Variants in SMOC2 observed in about 807,000 individuals in gnomAD.
SMOC2 encodes the protein SPARC related modular calcium binding 2.
SMOC2 carries 39 observed loss-of-function variants against 61.4 expected under a neutral mutation model. The ratio of observed to expected loss-of-function variants is 0.64; its 90% CI spans 0.49 to 0.83. The LOEUF (loss-of-function observed/expected upper bound fraction) is 0.83, where lower values mean the gene tolerates loss of function less well. Ranked by LOEUF, SMOC2 falls within the 40% of genes least tolerant of loss-of-function variation. SMOC2 has a pLI of 0.00. For synonymous variants in SMOC2, 247 were observed against 239.9 expected (o/e 1.03, Z -0.27); for missense variants, 556 against 592.9 (o/e 0.94, Z 0.65).
chr6:168,522,183 G>A (rs1218158772), intron 2 of SMOC2, among the ~76,000 whole-genome samples: 1 of 152,026 alleles, frequency 6.6e-6, no homozygotes, highest in Non-Finnish European at 1.5e-5. Flanking sequence ...CAGTCAGATG[G>A]TTACAACAGT....
intron 9 of SMOC2, among the ~76,000 whole-genome samples, chr6:168,637,987 C>A (rs1479452066): frequency 6.6e-6 from 1 of 151,582 alleles, no homozygotes; most frequent in South Asian, 2.1e-4. Flanking sequence ...CGCCCCTGCC[C>A]CACCCTGCAG....
At position 168,522,646 on chromosome 6, in the gene SMOC2, G is replaced by A. The variant is rs567381177; in HGVS notation, c.257-3700G>A. Among the ~76,000 whole-genome samples, 7 of 152,006 alleles carry A rather than the reference G, an allele frequency of 4.6e-5. No individual in the cohort carries two copies. The South Asian group carries it at 6.2e-4, about 14-fold the overall frequency. On this transcript the variant is annotated intron_variant, in intron 2 of 12. Coordinates refer to ENST00000356284, the MANE Select transcript of SMOC2 (RefSeq NM_001166412.2). ...ATGGTGTAGACATGCATGAACACAC[G>A]TACATGAACCTTGAAATCATCATGC...
At chr6:168,602,047 C>G (rs1785566560) in intron 8 of SMOC2, among the ~76,000 whole-genome samples, 1 of 152,162 alleles carries the variant, frequency 6.6e-6, no homozygotes, top group Admixed American at 6.5e-5. Context: ...TTCATTCATT[C>G]AGCACAAATA....
At chr6:168,505,828 C>T (rs1782860656) in intron 1 of SMOC2, among the ~76,000 whole-genome samples, 1 of 152,142 alleles carries the variant, frequency 6.6e-6, no homozygotes, top group Non-Finnish European at 1.5e-5. Context: ...AGCCCCTCTC[C>T]CACCTGTCCC....
chr6:168,655,667 ACTAGATTTCCCTCACACATGTGTG>A (rs1319186822), intron 11 of SMOC2, among the ~76,000 whole-genome samples: 17 of 148,086 alleles, frequency 1.1e-4, no homozygotes, highest in Non-Finnish European at 2.5e-4. Context: ...GCACGTGTGT[ACTAGATTTCCCTCACACATGTGTG>A]CTAGATCCCT....
chr6:168,518,443 G>GTC (rs1783206233), intron 2 of SMOC2, among the ~76,000 whole-genome samples: 1 of 147,300 alleles, frequency 6.8e-6, no homozygotes, highest in South Asian at 2.2e-4. Context: ...GTGTGACTGT[G>GTC]AATGTGTGAA....
chr6:168,487,812 CT>C (rs1782370667), intron 1 of SMOC2, among the ~76,000 whole-genome samples: 1 of 152,208 alleles, frequency 6.6e-6, no homozygotes. Flanking sequence ...CAAAAATTAC[CT>C]TTTGATTAAA....
In SMOC2 at chr6:168,554,901, C is replaced by T. The variant is rs561428802; in HGVS notation, c.637+5698C>T. ...CCCAAGATGCCGGGGGCATCTGCTGCTGGGTCCCCTCTCACCACAGGGCGT... is the reference window on the plus strand; with the variant it reads ...CCCAAGATGCCGGGGGCATCTGCTGTTGGGTCCCCTCTCACCACAGGGCGT... On this transcript the variant is annotated intron_variant, in intron 7 of 12. Coordinates refer to ENST00000356284, the MANE Select transcript of SMOC2 (RefSeq NM_001166412.2). 3.9e-5 allele frequency among the ~76,000 whole-genome samples: 6 copies of T among 152,360 alleles called. No individual in the cohort carries two copies. In the East Asian group the frequency reaches 1.2e-3, roughly 29 times the overall value.
intron 7 of SMOC2, among the ~76,000 whole-genome samples, chr6:168,598,063 ACAATGCC>A (rs1295984913): frequency 6.6e-6 from 1 of 152,240 alleles, no homozygotes; most frequent in African/African-American, 2.4e-5. Flanking sequence ...TTCATGTAGC[ACAATGCC>A]TGGTGCACAG....
At chr6:168,534,349 T>C (rs1783684761) in intron 4 of SMOC2, among the ~76,000 whole-genome samples, 1 of 152,216 alleles carries the variant, frequency 6.6e-6, no homozygotes, top group Admixed American at 6.5e-5. Context: ...ATAAATAAAA[T>C]GTTAAAGAAA....
intron 7 of SMOC2, among the ~76,000 whole-genome samples, chr6:168,555,753 C>T (rs1430732495): frequency 2.0e-5 from 3 of 152,190 alleles, no homozygotes; most frequent in African/African-American, 7.2e-5. Flanking sequence ...AGTGGCCGCC[C>T]GGACACACCT....
chr6:168,634,280 T>A (rs2342647), intron 9 of SMOC2, among the ~76,000 whole-genome samples: 7 of 152,082 alleles, frequency 4.6e-5, no homozygotes, highest in East Asian at 1.9e-4. Context: ...AGAATGATAC[T>A]AAGTCCTGAG....
chr6:168,623,388 T>C (rs931792080), intron 9 of SMOC2, among the ~76,000 whole-genome samples: 4 of 149,184 alleles, frequency 2.7e-5, no homozygotes, highest in African/African-American at 9.9e-5. Flanking sequence ...TGGAGTTCAG[T>C]GACATGATCT....
At chr6:168,468,979 C>T (rs542641467) in intron 1 of SMOC2, among the ~76,000 whole-genome samples, 1 of 152,378 alleles carries the variant, frequency 6.6e-6, no homozygotes, top group Admixed American at 6.5e-5. Context: ...CGCATACAGA[C>T]ATCAGGTGAT....
chr6:168,595,509 G>T (rs1785306648), intron 7 of SMOC2, among the ~76,000 whole-genome samples: 1 of 152,226 alleles, frequency 6.6e-6, no homozygotes, highest in Admixed American at 6.5e-5. Context: ...AGGAGGGAGT[G>T]ACAGTCACAG....
intron 1 of SMOC2, among the ~76,000 whole-genome samples, chr6:168,477,566 C>A (rs1401152351): frequency 6.6e-6 from 1 of 152,150 alleles, no homozygotes; most frequent in Admixed American, 6.5e-5. Flanking sequence ...CTCTTTCTTT[C>A]GTGGACAGCT....
At chr6:168,500,947 A>G (rs1030470419) in intron 1 of SMOC2, among the ~76,000 whole-genome samples, 5 of 152,180 alleles carry the variant, frequency 3.3e-5, no homozygotes. Flanking sequence ...AGTGACCAAA[A>G]GCATGACAAG....
chr6:168,532,904 A>C (rs1045656972), intron 4 of SMOC2, among the ~76,000 whole-genome samples: 14 of 152,196 alleles, frequency 9.2e-5, no homozygotes, highest in African/African-American at 3.4e-4. Flanking sequence ...GTTCCACCTG[A>C]CACAGCTGTG....
At chr6:168,482,376 A>G (rs1337044477) in intron 1 of SMOC2, among the ~76,000 whole-genome samples, 3 of 119,164 alleles carry the variant, frequency 2.5e-5, no homozygotes. Context: ...AACTAATGAA[A>G]AACTCTAAGT....
Sources: allele counts gnomAD v4.1 joint callset (sites outside exome capture counted in the v4.1 genomes callset), GRCh38; gene constraint gnomAD v4.1.1; transcripts MANE v1.5; gene names NCBI Gene and HGNC (gene_info 2026-07-23, HGNC 2026-07-21).